The following DLGAP2 variants were observed in gnomAD, a reference collection of about 807,000 sequenced individuals.
DLGAP2 encodes disks large-associated protein 2.
DLGAP2 carries 26 observed loss-of-function variants against 100.3 expected under a neutral mutation model. The ratio of observed to expected loss-of-function variants is 0.26; its 90% CI spans 0.19 to 0.36. The LOEUF is 0.36. DLGAP2 is among the 10% of genes least tolerant of loss of function. The pLI is 1.00. For missense variants in DLGAP2, 1,858 were observed against 1,453.2 expected (o/e 1.28, Z -4.53); for synonymous variants, 886 against 630.1 (o/e 1.41, Z -6.08).
intron 6 of DLGAP2, among the ~76,000 whole-genome samples, chr8:1,572,355 A>G: frequency 1.2e-5 from 1 of 84,344 alleles, no homozygotes; most frequent in African/African-American, 4.1e-5. Flanking sequence ...TGGGATGGAG[A>G]GGAGAGAGGG....
intron 4 of DLGAP2, among the ~76,000 whole-genome samples, chr8:1,531,704 GTAT>G (rs1465030347): frequency 6.6e-6 from 1 of 152,046 alleles, no homozygotes; most frequent in Non-Finnish European, 1.5e-5. Flanking sequence ...ATTTTGAAAT[GTAT>G]TTTTCTGACC....
intron 3 of DLGAP2, among the ~76,000 whole-genome samples, chr8:1,330,445 G>T (rs1801126668): frequency 6.7e-6 from 1 of 148,778 alleles, no homozygotes; most frequent in Non-Finnish European, 1.5e-5. Context: ...GTTCTGGGTG[G>T]GACTGAGTTC....
chr8:1,388,138 G>A (rs112384587), intron 3 of DLGAP2, among the ~76,000 whole-genome samples: 7 of 102,004 alleles, frequency 6.9e-5, no homozygotes, highest in Admixed American at 6.6e-4. Context: ...TGTCAGGGCT[G>A]TGAGAGGCAG....
At chr8:878,152 A>G (rs1176176414) in intron 1 of DLGAP2, among the ~76,000 whole-genome samples, 2 of 152,178 alleles carry the variant, frequency 1.3e-5, no homozygotes, top group African/African-American at 4.8e-5. Context: ...TTTTTTAACA[A>G]TGGGAGAGAC....
intron 3 of DLGAP2, chr8:1,259,756 C>A (rs909140502): frequency 5.9e-5 from 9 of 152,144 alleles, no homozygotes; most frequent in Non-Finnish European, 1.2e-4. Context: ...AGAAGCTCAA[C>A]CGTGTCCATT....
At chr8:1,278,020 A>G (rs975596121) in intron 3 of DLGAP2, among the ~76,000 whole-genome samples, 5 of 152,166 alleles carry the variant, frequency 3.3e-5, no homozygotes, top group Admixed American at 2.0e-4. Context: ...TTTAGTCATC[A>G]TTGTCAGTAA....
intron 9 of DLGAP2, 111 bp from the exon 10 acceptor site, chr8:1,669,632 C>T: frequency 2.7e-6 from 2 of 754,578 alleles, no homozygotes; most frequent in Admixed American, 1.8e-5. Context: ...GAGAGCCGGG[C>T]CCGTGCGGCG....
intron 5 of DLGAP2, among the ~76,000 whole-genome samples, chr8:1,551,071 A>G (rs544687804): frequency 2.6e-5 from 4 of 152,374 alleles, no homozygotes; most frequent in Non-Finnish European, 4.4e-5. Flanking sequence ...CATCAGGTCC[A>G]GCGTCCACAT....
rs1563214013 is a variant in DLGAP2, at chr8:1,548,481, A to AAC, written c.173-144_173-143insCA. ...CAGAAAAAAAAAAAAAAAAAAAAAAAAAACCCACAAATCTGCCCTCTCGAG... is the reference window on the plus strand; with the variant it reads ...CAGAAAAAAAAAAAAAAAAAAAAAAAACAAACCCACAAATCTGCCCTCTCGAG... On this transcript the variant is annotated intron_variant, in intron 4 of 14. Coordinates refer to ENST00000637795, the MANE Select transcript of DLGAP2 (RefSeq NM_001346810.2). The AAC allele has an allele frequency of 8.9e-6, 5 of 559,302 alleles. No individual in the cohort carries two copies. The South Asian group carries it at 2.2e-4, about 24-fold the overall frequency. The allele number at this position is 559,302 out of a possible 1,614,324, so 34.6% of individuals were successfully genotyped here. A position where few individuals can be genotyped will look rare whatever the true frequency, so the allele number is the denominator to read the frequency against.
At position 1,096,586 on chromosome 8, in the gene DLGAP2, C is replaced by A. The variant is rs1291423389; in HGVS notation, c.74-162265C>A. On this transcript the variant is annotated intron_variant, in intron 2 of 14. Coordinates refer to ENST00000637795, the MANE Select transcript of DLGAP2 (RefSeq NM_001346810.2). ...AGTCAAGCTGGGAGCCTAGGGCAGG[C>A]CTTCACCCTCTGTGGCATAGAGAGG... Among the ~76,000 whole-genome samples, 4 of 151,064 alleles carry A rather than the reference C, an allele frequency of 2.6e-5. No individual in the cohort carries two copies. The South Asian group carries it at 8.4e-4, about 32-fold the overall frequency.
chr8:1,701,050 C>T (rs1799551589), intron 14 of DLGAP2, 138 bp from the exon 15 acceptor site: 5 of 752,804 alleles, frequency 6.6e-6, no homozygotes, highest in East Asian at 2.7e-5. Context: ...CCAGGGCAGA[C>T]GGGGGACGGG....
At chr8:1,336,386 A>T (rs1438516616) in intron 3 of DLGAP2, among the ~76,000 whole-genome samples, 4 of 152,204 alleles carry the variant, frequency 2.6e-5, no homozygotes, top group African/African-American at 9.6e-5. Context: ...AGTGGCGAGG[A>T]GGAGGAGGAA....
At chr8:965,456 C>T (rs1681049363) in intron 2 of DLGAP2, among the ~76,000 whole-genome samples, 1 of 91,472 alleles carries the variant, frequency 1.1e-5, no homozygotes, top group Non-Finnish European at 2.1e-5. Flanking sequence ...CACAGGGCTC[C>T]TGAGTCTGAC....
At chr8:1,270,778 G>C (rs778465637) in intron 3 of DLGAP2, among the ~76,000 whole-genome samples, 8 of 150,860 alleles carry the variant, frequency 5.3e-5, no homozygotes, top group Non-Finnish European at 8.9e-5. Flanking sequence ...GTCTCTCTGT[G>C]TGTGTCTACC....
At position 1,364,292 on chromosome 8, in the gene DLGAP2, C is replaced by G. The variant is rs374200901; in HGVS notation, c.106+105409C>G. Among the ~76,000 whole-genome samples the G allele has an allele frequency of 4.0e-4, 61 of 152,302 alleles. 1 individual carries two copies. The East Asian group carries it at 6.2e-3, about 15-fold the overall frequency. Reference sequence around the variant, plus strand: ...GCCCCCAGAGGAGGGGTGCCCTGTGCTCCAGGTGGGGACAGAGCTGGGGTG... The same window carrying G: ...GCCCCCAGAGGAGGGGTGCCCTGTGGTCCAGGTGGGGACAGAGCTGGGGTG... On this transcript the variant is annotated intron_variant, in intron 3 of 14. Transcript: ENST00000637795.
chr8:1,381,817 GTGTGTGTTTGTA>G (rs58689313), intron 3 of DLGAP2, among the ~76,000 whole-genome samples: 2 of 147,174 alleles, frequency 1.4e-5, no homozygotes, highest in Admixed American at 1.3e-4. Context: ...GTGTGTGTGT[GTGTGTGTTTGTA>G]TCACATTTTC....
At chr8:1,356,862 G>A (rs1239733368) in intron 3 of DLGAP2, among the ~76,000 whole-genome samples, 3 of 152,276 alleles carry the variant, frequency 2.0e-5, no homozygotes, top group African/African-American at 7.2e-5. Context: ...AGCCAAGCCC[G>A]CACAATGAGG....
intron 2 of DLGAP2, among the ~76,000 whole-genome samples, chr8:994,771 C>T (rs1267346092): frequency 1.3e-5 from 2 of 152,188 alleles, no homozygotes; most frequent in East Asian, 3.8e-4. Context: ...TGCTCCCTTG[C>T]TGGCAATGAA....
At chr8:994,134 A>G (rs1429669378) in intron 2 of DLGAP2, among the ~76,000 whole-genome samples, 1 of 152,024 alleles carries the variant, frequency 6.6e-6, no homozygotes, top group African/African-American at 2.4e-5. Flanking sequence ...GTCATTAGTG[A>G]TTATTATTGG....
Sources: gnomAD v4.1 joint callset for allele counts (sites outside exome capture counted in the v4.1 genomes callset) on GRCh38, gnomAD v4.1.1 for gene constraint, MANE v1.5 for transcripts, NCBI Gene and HGNC (gene_info 2026-07-23, HGNC 2026-07-21) for gene names.